EPB41L4B: variants seen among roughly 807,000 people sequenced by gnomAD.
EPB41L4B encodes erythrocyte membrane protein band 4.1 like 4B.
In EPB41L4B, 30 loss-of-function variants were observed where a neutral mutation model predicts 112.5. The observed-to-expected ratio is 0.27, with a 90% CI of 0.20 to 0.36. EPB41L4B has a LOEUF of 0.36. EPB41L4B is among the 10% of genes least tolerant of loss of function. The pLI, the probability that EPB41L4B is intolerant of heterozygous loss-of-function variation, is 1.00. For synonymous variants in EPB41L4B, 408 were observed against 439.7 expected, an observed-to-expected ratio of 0.93 and a Z score of 0.90; for missense variants, 1,024 against 1,133.3, an observed-to-expected ratio of 0.90 and a Z score of 1.38.
chr9:109,308,196 G>A (rs767046712), intron 1 of EPB41L4B, among the ~76,000 whole-genome samples: 29 of 152,146 alleles, frequency 1.9e-4, no homozygotes, highest in Middle Eastern at 3.4e-3. Flanking sequence ...ATGTGAAGGG[G>A]ACCCAAGCAG....
chr9:109,183,153 G>C (rs1014912613), intron 23 of EPB41L4B, among the ~76,000 whole-genome samples: 1 of 152,226 alleles, frequency 6.6e-6, no homozygotes, highest in Non-Finnish European at 1.5e-5. Flanking sequence ...GAGGGAGTCA[G>C]AGTTGCCTGA....
intron 1 of EPB41L4B, among the ~76,000 whole-genome samples, chr9:109,312,962 C>T (rs575851202): frequency 2.1e-4 from 32 of 152,218 alleles, no homozygotes; most frequent in Non-Finnish European, 3.4e-4. Flanking sequence ...TCCAGCTGCC[C>T]GGGTGTGGTG....
At chr9:109,200,151 A>T in intron 20 of EPB41L4B, 85 bp downstream of exon 20, 1 of 1,125,376 alleles carries the variant, frequency 8.9e-7, no homozygotes, top group Non-Finnish European at 1.3e-6. Context: ...CCCTGGGACT[A>T]GTCAGAAGGG....
intron 15 of EPB41L4B, among the ~76,000 whole-genome samples, chr9:109,226,570 T>G (rs1372856482): frequency 6.8e-6 from 1 of 148,044 alleles, no homozygotes; most frequent in Non-Finnish European, 1.5e-5. Flanking sequence ...GGATTGCCCA[T>G]GACTTATATA....
intron 1 of EPB41L4B, among the ~76,000 whole-genome samples, chr9:109,319,800 G>A (rs1837781146): frequency 6.6e-6 from 1 of 152,138 alleles, no homozygotes; most frequent in Non-Finnish European, 1.5e-5. Flanking sequence ...CGGAAGGGGA[G>A]CGCCGGCCAC....
rs745690031 is a variant in EPB41L4B, at chr9:109,192,369, C to A, written c.2224-14G>T. On this transcript the variant is annotated splice_polypyrimidine_tract_variant and intron_variant, in intron 21 of 25. Coordinates refer to ENST00000374566, the MANE Select transcript of EPB41L4B (RefSeq NM_019114.5). ...GTCAGAGGGGCTCTAGGGAGACAGACAAACACCCCTGGTTAGAGACGGCAC... is the reference window on the plus strand; with the variant it reads ...GTCAGAGGGGCTCTAGGGAGACAGAAAAACACCCCTGGTTAGAGACGGCAC... The A allele has an allele frequency of 1.9e-6, 3 of 1,589,414 alleles. No individual in the cohort carries two copies. In the South Asian group the frequency reaches 3.4e-5, roughly 18 times the overall value.
rs142926373 is a variant in EPB41L4B at position 109,242,271 on chromosome 9, T to C, written c.1409+1347A>G. On this transcript the variant is annotated intron_variant, in intron 15 of 25. Coordinates refer to ENST00000374566, the MANE Select transcript of EPB41L4B (RefSeq NM_019114.5). ...CCCCACCCCATAGATTCTGATCCAG[T>C]AGGTCTGGGGTGGGGCTGAGAATTT... 3.6e-3 allele frequency among the ~76,000 whole-genome samples: 550 copies of C among 152,242 alleles called. 4 individuals carry two copies. The highest frequency in any genetic ancestry group is 0.012 in the African/African-American group (518 of 41,548).
intron 15 of EPB41L4B, among the ~76,000 whole-genome samples, chr9:109,235,014 C>T (rs1347417583): frequency 2.0e-5 from 3 of 152,188 alleles, no homozygotes; most frequent in Non-Finnish European, 4.4e-5. Context: ...GGAGCAGACG[C>T]TCTGTTTCAA....
intron 6 of EPB41L4B, 102 bp from the exon 7 acceptor site, chr9:109,258,399 C>G: frequency 2.4e-6 from 3 of 1,251,836 alleles, no homozygotes; most frequent in Non-Finnish European, 2.3e-6. Context: ...AAAGCACAGC[C>G]CCCCGCCCCA....
At chr9:109,220,881 C>T (rs144177697) in intron 15 of EPB41L4B, among the ~76,000 whole-genome samples, 134 of 152,266 alleles carry the variant, frequency 8.8e-4, no homozygotes, top group African/African-American at 3.1e-3. Context: ...GAAACATAAC[C>T]AGAGTATCCA....
chr9:109,288,696 CT>C (rs1836398896), intron 1 of EPB41L4B, among the ~76,000 whole-genome samples: 1 of 113,984 alleles, frequency 8.8e-6, no homozygotes. Context: ...GCACTCCAGC[CT>C]TGGTGACAGA....
chr9:109,296,257 G>A (rs1381115256), intron 1 of EPB41L4B, among the ~76,000 whole-genome samples: 1 of 152,146 alleles, frequency 6.6e-6, no homozygotes, highest in African/African-American at 2.4e-5. Flanking sequence ...CGCACATGAC[G>A]CTTCCTGAAA....
In EPB41L4B at chr9:109,192,305, CAGA is replaced by C. The variant is rs1217576691; in HGVS notation, c.2271_2273del (p.Leu758del). On this transcript the variant is annotated inframe_deletion, in exon 22 of 26. Transcript: ENST00000374566. Reference sequence around the variant, plus strand: ...GAGGAGTGGCTTCTGTGAAATCCATCAGAAGATCACCCGGCTCCAGGGTAAAGG... The same window carrying C: ...GAGGAGTGGCTTCTGTGAAATCCATCAGATCACCCGGCTCCAGGGTAAAGG... 8.1e-6 allele frequency: 13 copies of C among 1,611,920 alleles called. No individual in the cohort carries two copies. Among genetic ancestry groups the C allele is most frequent in the Non-Finnish European group, 1.1e-5 (13 of 1,179,184 alleles).
Position 109,320,218 on chromosome 9 carries a change from C to A in EPB41L4B, c.229G>T (p.Ala77Ser). Residue 77 changes from alanine (A) to serine (S), a missense_variant, in exon 1 of 26, where the codon GCC (alanine) becomes TCC (serine). By Grantham distance (99) the Ala-to-Ser change is moderately conservative (BLOSUM62 1). Coordinates refer to ENST00000374566, the MANE Select transcript of EPB41L4B (RefSeq NM_019114.5). ...LTGGAAVHIS[A>S]AGAAKATLYC... ...AGGGTGGCCTTGGCGGCGCCGGCGG[C>A]GGAGATGTGCACGGCCGCGCCGCCG... 5 of 1,419,050 alleles carry A rather than the reference C, an allele frequency of 3.5e-6. No homozygotes were observed. Among genetic ancestry groups the A allele is most frequent in the Non-Finnish European group, 3.7e-6 (4 of 1,081,520 alleles). The allele number at this position is 1,419,050 out of a possible 1,614,324, so 87.9% of individuals were successfully genotyped here.
At chr9:109,239,881 C>G in intron 15 of EPB41L4B, 1 of 985,430 alleles carries the variant, frequency 1.0e-6, no homozygotes, top group South Asian at 4.7e-5. Flanking sequence ...TGAGGAAATC[C>G]CACTGCCACC....
intron 15 of EPB41L4B, among the ~76,000 whole-genome samples, chr9:109,221,458 G>C (rs1048259750): frequency 6.6e-6 from 1 of 152,058 alleles, no homozygotes; most frequent in African/African-American, 2.4e-5. Flanking sequence ...CCAACTGAGG[G>C]GCTCGTCTTC....
chr9:109,267,449 A>G, intron 4 of EPB41L4B, 24 bp downstream of exon 4: 1 of 1,547,964 alleles, frequency 6.5e-7, no homozygotes, highest in Non-Finnish European at 8.9e-7. Flanking sequence ...GCTGGGCGGG[A>G]GCTTGTTCTG....
intron 2 of EPB41L4B, among the ~76,000 whole-genome samples, chr9:109,276,083 C>T (rs1835806462): frequency 1.4e-5 from 2 of 143,906 alleles, no homozygotes. Context: ...TGTATATATA[C>T]ATATATATTA....
intron 1 of EPB41L4B, among the ~76,000 whole-genome samples, chr9:109,316,776 G>A (rs1441924827): frequency 6.6e-6 from 1 of 152,138 alleles, no homozygotes; most frequent in African/African-American, 2.4e-5. Context: ...ATCAAAGACT[G>A]GAAAGCTGCT....
Sources: gnomAD v4.1 joint callset for allele counts (sites outside exome capture counted in the v4.1 genomes callset) on GRCh38, gnomAD v4.1.1 for gene constraint, MANE v1.5 for transcripts, NCBI Gene and HGNC (gene_info 2026-07-23, HGNC 2026-07-21) for gene names.